Variants in DMD observed in about 807,000 individuals in gnomAD.
DMD encodes the protein dystrophin.
DMD carries 63 observed loss-of-function variants against 330.1 expected under a neutral mutation model. That is an observed-to-expected ratio of 0.19 (90% CI 0.16 to 0.24). The LOEUF is 0.24. Ranked by LOEUF, DMD falls within the 10% of genes least tolerant of loss-of-function variation. DMD has a pLI of 1.00. For synonymous variants in DMD, 1,223 were observed against 959.8 expected (o/e 1.27, Z -5.07); for missense variants, 3,344 against 2,684.1 (o/e 1.25, Z -5.43).
intron 7 of DMD, among the ~76,000 whole-genome samples, chrX:32,775,204 G>A (rs2074016396): frequency 8.9e-6 from 1 of 112,653 alleles, no homozygotes; most frequent in African/African-American, 3.2e-5. Flanking sequence ...GCAGAGCACA[G>A]CCCCCATGGC....
intron 45 of DMD, among the ~76,000 whole-genome samples, chrX:31,947,915 T>G (rs1249231023): frequency 9.0e-6 from 1 of 110,881 alleles, no homozygotes; most frequent in Non-Finnish European, 1.9e-5. Flanking sequence ...CATATCCTCT[T>G]AATAATAATT....
chrX:31,876,688 C>CAAAAA (rs1165746413), intron 47 of DMD, among the ~76,000 whole-genome samples: 1 of 83,094 alleles, frequency 1.2e-5, no homozygotes, highest in Non-Finnish European at 2.4e-5. Context: ...CCCATCTCTA[C>CAAAAA]AAAAAAAAAA....
intron 60 of DMD, among the ~76,000 whole-genome samples, chrX:31,442,171 A>G (rs995181427): frequency 8.9e-6 from 1 of 112,061 alleles, no homozygotes; most frequent in African/African-American, 3.2e-5. Flanking sequence ...TTGGTTTTAA[A>G]CTAAATTCTG....
chrX:32,474,291 C>T (rs961306313), intron 21 of DMD, among the ~76,000 whole-genome samples: 3 of 111,214 alleles, frequency 2.7e-5, no homozygotes, highest in Admixed American at 9.6e-5. Context: ...ATTGGTTCCA[C>T]GATTGTGCTG....
In DMD at chrX:31,325,138, C is replaced by T. The variant is rs145360603; in HGVS notation, c.9164-1480G>A. Among the ~76,000 whole-genome samples, 754 of 111,662 alleles carry T rather than the reference C, an allele frequency of 6.8e-3. 6 individuals are homozygous for T. The highest frequency in any genetic ancestry group is 0.023 in the African/African-American group (707 of 30,716). On this transcript the variant is annotated intron_variant, in intron 61 of 78. Coordinates refer to ENST00000357033, the MANE Select transcript of DMD (RefSeq NM_004006.3). ...TCTCTGACTTTCCATTTCTTTCTGT[C>T]CTTCTTTCTCTATTCCTTTCTTTTC...
intron 29 of DMD, among the ~76,000 whole-genome samples, chrX:32,428,267 T>C (rs1047808237): frequency 8.9e-6 from 1 of 112,029 alleles, no homozygotes; most frequent in Non-Finnish European, 1.9e-5. Context: ...CATTTTGAAT[T>C]CATCTTTGAT....
At chrX:32,070,350 A>G (rs2096287337) in intron 44 of DMD, among the ~76,000 whole-genome samples, 1 of 110,795 alleles carries the variant, frequency 9.0e-6, no homozygotes, top group Admixed American at 9.7e-5. Flanking sequence ...CTCTGTGGAA[A>G]CCACCCATGG....
chrX:32,473,047 G>T (rs974903875), intron 21 of DMD, among the ~76,000 whole-genome samples: 5 of 110,877 alleles, frequency 4.5e-5, no homozygotes, highest in African/African-American at 1.3e-4. Context: ...ACGTTTTAAA[G>T]TATGTATGTG....
At chrX:32,227,527 G>A (rs1203239165) in intron 43 of DMD, among the ~76,000 whole-genome samples, 1 of 106,918 alleles carries the variant, frequency 9.4e-6, no homozygotes, top group African/African-American at 3.4e-5. Flanking sequence ...TGCGCACAGA[G>A]TGTGGAATAA....
chrX:31,695,986 T>C (rs1399426502), intron 52 of DMD, among the ~76,000 whole-genome samples: 1 of 111,689 alleles, frequency 9.0e-6, no homozygotes, highest in Non-Finnish European at 1.9e-5. Context: ...TTAGCCTGAT[T>C]TGATTATTCC....
In DMD at chrX:31,173,663, AC is replaced by A; in HGVS notation, c.10263-60del. On this transcript the variant is annotated intron_variant, in intron 71 of 78. Transcript: ENST00000357033. The stretch of plus-strand genomic sequence containing the variant: ...CCATCCATTAATGGAGAAAAAACCC[AC>A]CACACAGTTATGTTATACACATGGC... 24 of 1,043,953 alleles carry A rather than the reference AC, an allele frequency of 2.3e-5. 1 individual carries two copies. The highest frequency in any genetic ancestry group is 3.2e-5 in the Non-Finnish European group (24 of 746,274). 86.0% of individuals were successfully genotyped at this position (1,043,953 alleles called of 1,213,427 possible). A position where few individuals can be genotyped will look rare whatever the true frequency, so the allele number is the denominator to read the frequency against.
chrX:32,762,218 C>A (rs1474548977), intron 7 of DMD, among the ~76,000 whole-genome samples: 2 of 109,772 alleles, frequency 1.8e-5, no homozygotes, highest in African/African-American at 6.6e-5. Context: ...GACTAGCTCT[C>A]CTGCAGGAGA....
intron 1 of DMD, among the ~76,000 whole-genome samples, chrX:33,090,217 T>C (rs776170856): frequency 9.1e-6 from 1 of 110,358 alleles, no homozygotes; most frequent in Non-Finnish European, 1.9e-5. Context: ...TATAATAATT[T>C]AGTTAACACC....
chrX:31,294,371 CA>C (rs2054005799), intron 62 of DMD, among the ~76,000 whole-genome samples: 1 of 112,141 alleles, frequency 8.9e-6, no homozygotes, highest in Non-Finnish European at 1.9e-5. Context: ...GCTATACAAA[CA>C]CATGGGGCTA....
chrX:32,565,770 C>G lies in DMD; in HGVS notation c.1924G>C (p.Ala642Pro). ...CACCGGGCAAAGTTATCCAGCCATG[C>G]TTCCGTCTTCTGGGTCACTGACTTA... ...KNKSVTQKTE[A>P]WLDNFARCWD... Residue 642 changes from alanine (A) to proline (P), a missense_variant, in exon 16 of 79, where the codon GCA becomes CCA. Ala to Pro is a conservative substitution (Grantham distance 27, BLOSUM62 -1). Coordinates refer to ENST00000357033, the MANE Select transcript of DMD (RefSeq NM_004006.3). 8.3e-7 allele frequency: 1 copy of G among 1,211,552 alleles called. No homozygotes were observed. Among genetic ancestry groups the G allele is most frequent in the Non-Finnish European group, 1.1e-6 (1 of 895,311 alleles).
chrX:32,871,958 G>A (rs747963276), intron 2 of DMD, among the ~76,000 whole-genome samples: 1 of 109,827 alleles, frequency 9.1e-6, no homozygotes, highest in Non-Finnish European at 1.9e-5. Context: ...CAAAGCAGGC[G>A]AGACTGAAAG....
intron 7 of DMD, among the ~76,000 whole-genome samples, chrX:32,753,507 G>A (rs2071091052): frequency 9.0e-6 from 1 of 111,393 alleles, no homozygotes. Flanking sequence ...CAAACCCTCT[G>A]CACTGCCACT....
At chrX:33,058,576 T>C (rs1032340025) in intron 1 of DMD, among the ~76,000 whole-genome samples, 1 of 110,841 alleles carries the variant, frequency 9.0e-6, no homozygotes. Flanking sequence ...GTGCTGGGAT[T>C]ACAGGCATGA....
chrX:32,322,830 A>G, intron 41 of DMD, among the ~76,000 whole-genome samples: 1 of 112,127 alleles, frequency 8.9e-6, no homozygotes, highest in Admixed American at 9.5e-5. Flanking sequence ...TACAGAGACT[A>G]CTAAAAAAAG....
Sources: allele counts gnomAD v4.1 joint callset (sites outside exome capture counted in the v4.1 genomes callset), GRCh38; gene constraint gnomAD v4.1.1; transcripts MANE v1.5; gene names NCBI Gene and HGNC (gene_info 2026-07-23, HGNC 2026-07-21).